The following RSBN1L variants were observed in gnomAD, a reference collection of about 807,000 sequenced individuals.
RSBN1L encodes round spermatid basic protein 1 like.
A neutral mutation model predicts 67.7 loss-of-function variants in RSBN1L; 30 were observed. The observed-to-expected ratio is 0.44, with a 90% CI of 0.33 to 0.60. The LOEUF (loss-of-function observed/expected upper bound fraction) is 0.60. Ranked by LOEUF, RSBN1L falls within the 20% of genes least tolerant of loss-of-function variation. The pLI is 0.02. For synonymous variants in RSBN1L, 433 were observed against 387.0 expected, an observed-to-expected ratio of 1.12 and a Z score of -1.39; for missense variants, 992 against 1,031.7, an observed-to-expected ratio of 0.96 and a Z score of 0.53.
chr7:77,714,860 G>A (rs1339105747), intron 1 of RSBN1L, among the ~76,000 whole-genome samples: 1 of 151,750 alleles, frequency 6.6e-6, no homozygotes, highest in African/African-American at 2.4e-5. Context: ...CTACTCGGGA[G>A]GCTGAGGCAG....
intron 1 of RSBN1L, among the ~76,000 whole-genome samples, chr7:77,731,553 T>G (rs1791272220): frequency 6.6e-6 from 1 of 152,132 alleles, no homozygotes; most frequent in South Asian, 2.1e-4. Context: ...TTTTTAATTG[T>G]TTGTTTTCTT....
chr7:77,744,531 C>T (rs970138901), intron 2 of RSBN1L, among the ~76,000 whole-genome samples: 3 of 151,876 alleles, frequency 2.0e-5, no homozygotes, highest in Non-Finnish European at 2.9e-5. Context: ...GTTTGGAGTG[C>T]GGTGGTGCAA....
intron 1 of RSBN1L, among the ~76,000 whole-genome samples, chr7:77,732,702 G>A (rs1435559687): frequency 2.0e-5 from 3 of 152,164 alleles, no homozygotes; most frequent in African/African-American, 4.8e-5. Context: ...ATATACAGTG[G>A]TCTGAATTAT....
At chr7:77,764,024 G>A (rs765874836) in intron 3 of RSBN1L, among the ~76,000 whole-genome samples, 11 of 152,144 alleles carry the variant, frequency 7.2e-5, no homozygotes, top group Non-Finnish European at 1.2e-4. Flanking sequence ...TGTGGGTTGG[G>A]GTTTACTTTG....
chr7:77,706,050 C>T (rs1790887415), intron 1 of RSBN1L, among the ~76,000 whole-genome samples: 1 of 151,714 alleles, frequency 6.6e-6, no homozygotes, highest in Non-Finnish European at 1.5e-5. Context: ...AGGTGCCTGC[C>T]ACCATGCCCG....
chr7:77,708,496 C>G (rs978560167), intron 1 of RSBN1L, among the ~76,000 whole-genome samples: 1 of 152,028 alleles, frequency 6.6e-6, no homozygotes, highest in Non-Finnish European at 1.5e-5. Flanking sequence ...ATTCTCCTGC[C>G]TCAGCCTCCG....
Position 77,697,044 on chromosome 7 carries a change from C to A in RSBN1L, c.575C>A (p.Pro192Gln). The stretch of plus-strand genomic sequence containing the variant: ...CGGGAGGAGAACGGGGAGGTGAAGC[C>A]GCTGCCCCGAGGTGGGTGCCGTGCG... Reference protein sequence around the residue: ...ASREENGEVKPLPRDKIKDKI... With the variant: ...ASREENGEVKQLPRDKIKDKI... Residue 192 changes from proline (P) to glutamine (Q), a missense_variant, in exon 1 of 8, where the codon CCG becomes CAG. Pro to Gln is a moderately conservative substitution (Grantham distance 76). This residue lies in a region of RSBN1L where 575 missense variants were observed against 483.2 expected (regional missense o/e 1.19). Coordinates refer to ENST00000334955, the MANE Select transcript of RSBN1L (RefSeq NM_198467.3). 1 of 1,490,786 alleles carries A rather than the reference C, an allele frequency of 6.7e-7. No homozygotes were observed. Among genetic ancestry groups the A allele is most frequent in the Non-Finnish European group, 8.9e-7 (1 of 1,122,636 alleles). The allele number at this position is 1,490,786 out of a possible 1,614,324, so 92.3% of individuals were successfully genotyped here. A position where few individuals can be genotyped will look rare whatever the true frequency, so the allele number is the denominator to read the frequency against.
intron 2 of RSBN1L, among the ~76,000 whole-genome samples, chr7:77,746,053 G>T (rs969576325): frequency 6.6e-6 from 1 of 152,220 alleles, no homozygotes; most frequent in Non-Finnish European, 1.5e-5. Flanking sequence ...CTCACCTCCT[G>T]CTGTGTGGCC....
intron 2 of RSBN1L, among the ~76,000 whole-genome samples, chr7:77,743,656 G>A (rs939900092): frequency 6.6e-6 from 1 of 151,590 alleles, no homozygotes; most frequent in African/African-American, 2.4e-5. Context: ...TTAGGCATAA[G>A]TGTAGGATAT....
intron 4 of RSBN1L, among the ~76,000 whole-genome samples, chr7:77,766,520 CTT>C (rs750812101): frequency 1.1e-4 from 16 of 143,906 alleles, no homozygotes; most frequent in Admixed American, 2.8e-4. Flanking sequence ...AGCCAGATTC[CTT>C]TTTTTTTTTT....
At chr7:77,709,682 C>T (rs1424989035) in intron 1 of RSBN1L, among the ~76,000 whole-genome samples, 3 of 152,076 alleles carry the variant, frequency 2.0e-5, no homozygotes, top group Admixed American at 1.3e-4. Flanking sequence ...CCAGCCCCAC[C>T]CCCTAATTTT....
chr7:77,700,939 C>G (rs1205764290), intron 1 of RSBN1L, among the ~76,000 whole-genome samples: 2 of 152,038 alleles, frequency 1.3e-5, no homozygotes, highest in Admixed American at 6.6e-5. Context: ...GGCGAATCGC[C>G]TGAGCTCAGG....
At chr7:77,727,441 T>A (rs1791219356) in intron 1 of RSBN1L, among the ~76,000 whole-genome samples, 2 of 152,174 alleles carry the variant, frequency 1.3e-5, no homozygotes, top group African/African-American at 4.8e-5. Context: ...CTACTTTTTT[T>A]TAGTTAGTTT....
chr7:77,699,963 A>G (rs1790793013), intron 1 of RSBN1L, among the ~76,000 whole-genome samples: 1 of 151,960 alleles, frequency 6.6e-6, no homozygotes, highest in South Asian at 2.1e-4. Flanking sequence ...CGCCTGGCTA[A>G]TTTTTGTATT....
At chr7:77,729,726 G>A (rs1276423766) in intron 1 of RSBN1L, among the ~76,000 whole-genome samples, 2 of 152,180 alleles carry the variant, frequency 1.3e-5, no homozygotes, top group African/African-American at 2.4e-5. Context: ...GCTGAGGGTA[G>A]GTGGAGTGTT....
At chr7:77,743,476 T>C (rs1791441659) in intron 2 of RSBN1L, among the ~76,000 whole-genome samples, 2 of 150,812 alleles carry the variant, frequency 1.3e-5, no homozygotes, top group Admixed American at 6.6e-5. Context: ...TTTTTTTTTT[T>C]TCTAAAGGAA....
chr7:77,702,752 A>T (rs1389971719), intron 1 of RSBN1L, among the ~76,000 whole-genome samples: 3 of 152,174 alleles, frequency 2.0e-5, no homozygotes, highest in African/African-American at 2.4e-5. Flanking sequence ...TGAGGTCAGC[A>T]TGCCATCATG....
chr7:77,749,917 C>T lies in RSBN1L; in HGVS notation c.1197C>T (p.Tyr399=), dbSNP rs140306437. Residue 399 remains tyrosine (Y), a synonymous_variant, in exon 3 of 8, where the codon TAC becomes TAT. Coordinates refer to ENST00000334955, the MANE Select transcript of RSBN1L (RefSeq NM_198467.3). ...AAAATGAAAACTCTGCAGCTTTCTA[C>T]GTGATGGGTATTGTTCATGGGGCAG... ...FSENENSAAF[Y]VMGIVHGAAT... 9 of 1,614,134 alleles carry T rather than the reference C, an allele frequency of 5.6e-6. No individual in the cohort carries two copies. Among genetic ancestry groups the T allele is most frequent in the African/African-American group, 5.3e-5 (4 of 75,036 alleles).
chr7:77,709,931 A>T (rs1790950700), intron 1 of RSBN1L, among the ~76,000 whole-genome samples: 1 of 152,144 alleles, frequency 6.6e-6, no homozygotes, highest in Admixed American at 6.6e-5. Context: ...AGTCTTCTTT[A>T]TCCAGATTTG....
Sources: allele counts gnomAD v4.1 joint callset (sites outside exome capture counted in the v4.1 genomes callset), GRCh38; gene constraint gnomAD v4.1.1; regional missense constraint gnomAD v4.1.1; transcripts MANE v1.5; gene names NCBI Gene and HGNC (gene_info 2026-07-23, HGNC 2026-07-21).